BIRC2: variants seen among roughly 807,000 people sequenced by gnomAD.
The protein encoded by BIRC2 is baculoviral IAP repeat-containing protein 2.
BIRC2 carries 18 observed loss-of-function variants against 60.9 expected under a neutral mutation model. That is an observed-to-expected ratio of 0.30 (90% CI 0.20 to 0.44). The LOEUF (loss-of-function observed/expected upper bound fraction) is 0.44. Among genes scored for constraint, BIRC2 ranks in the 20% least tolerant of loss-of-function variants. The pLI is 1.00. For synonymous variants in BIRC2, 282 were observed against 247.7 expected (o/e 1.14, Z -1.30); for missense variants, 701 against 728.5 (o/e 0.96, Z 0.43).
intron 6 of BIRC2, among the ~76,000 whole-genome samples, chr11:102,374,976 T>C (rs1400433510): frequency 2.0e-5 from 3 of 152,348 alleles, no homozygotes; most frequent in African/African-American, 7.2e-5. Context: ...AGGGAACTCC[T>C]TGACCCCTTG....
At position 102,349,710 on chromosome 11, in the gene BIRC2, T is replaced by C. The variant is rs1006812862; in HGVS notation, c.-145T>C. 1 of 840,840 alleles carries C rather than the reference T, an allele frequency of 1.2e-6. No individual in the cohort carries two copies. The highest frequency in any genetic ancestry group is 1.8e-6 in the Non-Finnish European group (1 of 555,492). The allele number at this position is 840,840 out of a possible 1,614,324, so 52.1% of individuals were successfully genotyped here. ...GAGAGATACTCATCCTACCTGAATATAAACTGAGATAAATCCAGTAAAGAA... is the reference window on the plus strand; with the variant it reads ...GAGAGATACTCATCCTACCTGAATACAAACTGAGATAAATCCAGTAAAGAA... On this transcript the variant is annotated 5_prime_UTR_variant, in exon 2 of 9. Transcript: ENST00000227758.
At chr11:102,363,133 T>G (rs965395307) in intron 4 of BIRC2, among the ~76,000 whole-genome samples, 159 bp downstream of exon 4, 2 of 152,176 alleles carry the variant, frequency 1.3e-5, no homozygotes, top group Non-Finnish European at 2.9e-5. Context: ...TATGCTTATT[T>G]CTCTTTTATT....
intron 6 of BIRC2, among the ~76,000 whole-genome samples, chr11:102,374,546 C>G (rs1388688229): frequency 6.6e-6 from 1 of 151,156 alleles, no homozygotes; most frequent in African/African-American, 2.4e-5. Flanking sequence ...CAGCTGCGTG[C>G]TGGGAGAACC....
At chr11:102,356,803 C>T (rs538077915) in intron 3 of BIRC2, among the ~76,000 whole-genome samples, 149 of 151,700 alleles carry the variant, frequency 9.8e-4, no homozygotes, top group Non-Finnish European at 1.2e-3. Context: ...CTCAGCCTCC[C>T]GAGTAGGTGG....
At chr11:102,373,052 T>C (rs1380125774) in intron 6 of BIRC2, among the ~76,000 whole-genome samples, 1 of 150,862 alleles carries the variant, frequency 6.6e-6, no homozygotes, top group Non-Finnish European at 1.5e-5. Flanking sequence ...ATTTTGAGCC[T>C]ATGTGTGTCT....
rs576913985 is a variant in BIRC2, at chr11:102,356,197, T to G, written c.995+5254T>G. 4.3e-5 allele frequency among the ~76,000 whole-genome samples: 6 copies of G among 141,146 alleles called. No individual in the cohort carries two copies. The East Asian group carries it at 1.2e-3, about 29-fold the overall frequency. The allele number at this position is 141,146 out of a possible 152,430, so 92.6% of individuals were successfully genotyped here. On this transcript the variant is annotated intron_variant, in intron 3 of 8. Transcript: ENST00000227758. ...CATGTTAGTGGAAAAGCTGAAAGCT[T>G]TTTTTTTTTTTTTTTTGAGATGGAA...
chr11:102,375,034 G>T (rs1054322640), intron 6 of BIRC2, among the ~76,000 whole-genome samples: 1 of 152,216 alleles, frequency 6.6e-6, no homozygotes, highest in Non-Finnish European at 1.5e-5. Flanking sequence ...TTTGCACACG[G>T]TGCGCGCACC....
intron 5 of BIRC2, 151 bp downstream of exon 5, chr11:102,363,867 G>T: frequency 2.0e-6 from 1 of 510,208 alleles, no homozygotes; most frequent in Non-Finnish European, 3.4e-6. Context: ...GACCAGCCTG[G>T]CCAACATAGT....
intron 3 of BIRC2, chr11:102,362,653 T>C (rs1951498138): frequency 2.8e-6 from 1 of 361,324 alleles, no homozygotes. Context: ...GTGCAGACGC[T>C]TTTCTTTTTG....
intron 3 of BIRC2, among the ~76,000 whole-genome samples, chr11:102,361,885 T>C (rs1591537350): frequency 6.7e-6 from 1 of 149,208 alleles, no homozygotes; most frequent in Non-Finnish European, 1.5e-5. Flanking sequence ...ATTGGGCTAG[T>C]GAGTTCTTCC....
chr11:102,376,498 A>G (rs888391014), intron 6 of BIRC2, among the ~76,000 whole-genome samples: 4 of 152,212 alleles, frequency 2.6e-5, no homozygotes, highest in Non-Finnish European at 5.9e-5. Context: ...TTTATAATTT[A>G]TTTCTCATTA....
chr11:102,377,076 T>A (rs1951723748), intron 6 of BIRC2, among the ~76,000 whole-genome samples: 1 of 152,148 alleles, frequency 6.6e-6, no homozygotes, highest in Non-Finnish European at 1.5e-5. Flanking sequence ...GAGTCTTTTT[T>A]CTCCCTATGT....
In BIRC2 at chr11:102,350,327, C is replaced by G. The variant is rs373200978; in HGVS notation, c.473C>G (p.Pro158Arg). ...AGTGGTTCTTACTCCAGCCTTTCTC[C>G]AAACCCTCTTAATTCTAGAGCAGTT... ...LFSGSYSSLS[P>R]NPLNSRAVED... Residue 158 changes from proline (P) to arginine (R), a missense_variant, in exon 2 of 9, where the codon CCA becomes CGA. Around this residue, in one of 4 missense-constraint regions of BIRC2, gnomAD observed 375 missense variants for 365.9 expected, o/e 1.02. Coordinates refer to ENST00000227758, the MANE Select transcript of BIRC2 (RefSeq NM_001166.5). The G allele has an allele frequency of 5.0e-6, 8 of 1,614,114 alleles. No homozygotes were observed. The highest frequency in any genetic ancestry group is 1.1e-5 in the South Asian group (1 of 91,088).
chr11:102,374,384 A>C (rs1200148596), intron 6 of BIRC2, among the ~76,000 whole-genome samples: 24 of 147,586 alleles, frequency 1.6e-4, no homozygotes, highest in Admixed American at 9.4e-4. Context: ...TTTCCTTCTA[A>C]CAGACAGGAC....
chr11:102,377,443 A>G (rs753008109), intron 6 of BIRC2, 53 bp from the exon 7 acceptor site: 8 of 1,499,398 alleles, frequency 5.3e-6, no homozygotes, highest in Admixed American at 2.2e-5. Context: ...CTATATGAGT[A>G]TAGTTAAAGG....
At chr11:102,351,312 C>T (rs1951356026) in intron 3 of BIRC2, among the ~76,000 whole-genome samples, 1 of 152,030 alleles carries the variant, frequency 6.6e-6, no homozygotes. Flanking sequence ...TGTAAAAGTC[C>T]ATGTATTAAG....
chr11:102,368,664 C>A, intron 6 of BIRC2, 116 bp downstream of exon 6: 1 of 1,394,932 alleles, frequency 7.2e-7, no homozygotes, highest in African/African-American at 1.4e-5. Context: ...AGCAGTCCTC[C>A]AGTCATTTCG....
In BIRC2 at chr11:102,350,109, T is replaced by C. The variant is rs773323674; in HGVS notation, c.255T>C (p.Cys85=). The C allele has an allele frequency of 1.9e-6, 3 of 1,614,128 alleles. No individual in the cohort carries two copies. Among genetic ancestry groups the C allele is most frequent in the Admixed American group, 3.3e-5 (2 of 60,008 alleles). ...TGVNDKVKCF[C]CGLMLDNWKL... ...TGAATGACAAGGTCAAATGCTTCTG[T>C]TGTGGCCTGATGCTGGATAACTGGA... is the stretch of plus-strand genomic sequence containing the variant. Residue 85 remains cysteine, a synonymous_variant, in exon 2 of 9, where the codon TGT becomes TGC. Coordinates refer to ENST00000227758, the MANE Select transcript of BIRC2 (RefSeq NM_001166.5).
chr11:102,352,019 C>T (rs1382859610), intron 3 of BIRC2, among the ~76,000 whole-genome samples: 1 of 152,126 alleles, frequency 6.6e-6, no homozygotes, highest in Non-Finnish European at 1.5e-5. Context: ...TTGCATCTTC[C>T]CAAACTGAAA....
Sources: gnomAD v4.1 joint callset for allele counts (sites outside exome capture counted in the v4.1 genomes callset) on GRCh38, gnomAD v4.1.1 for gene constraint, gnomAD v4.1.1 regional missense constraint, MANE v1.5 for transcripts, NCBI Gene and HGNC (gene_info 2026-07-23, HGNC 2026-07-21) for gene names.